COL14A1: variants seen among roughly 807,000 people sequenced by gnomAD.
The protein encoded by COL14A1 is collagen alpha-1(XIV) chain.
COL14A1 carries 136 observed loss-of-function variants against 230.3 expected under a neutral mutation model. The ratio of observed to expected loss-of-function variants is 0.59; its 90% confidence interval spans 0.51 to 0.68. The LOEUF (loss-of-function observed/expected upper bound fraction) is 0.68. Ranked by LOEUF, COL14A1 falls within the 30% of genes least tolerant of loss-of-function variation. The probability of loss-of-function intolerance (pLI) is 0.00; values close to 1 mark genes in which losing one functional copy is unlikely to be tolerated. For synonymous variants in COL14A1, 792 were observed against 784.1 expected, an observed-to-expected ratio of 1.01 and a Z score of -0.17; for missense variants, 1,976 against 2,215.8, an observed-to-expected ratio of 0.89 and a Z score of 2.17.
intron 2 of COL14A1, among the ~76,000 whole-genome samples, chr8:120,152,397 G>A (rs1815316658): frequency 6.7e-6 from 1 of 148,728 alleles, no homozygotes; most frequent in Non-Finnish European, 1.5e-5. Flanking sequence ...GTGAACCTGG[G>A]AGGCGGAGCT....
chr8:120,196,044 T>G (rs1586756591), intron 5 of COL14A1, among the ~76,000 whole-genome samples: 1 of 152,298 alleles, frequency 6.6e-6, no homozygotes, highest in Admixed American at 6.5e-5. Flanking sequence ...TTGCTGTGAG[T>G]GGGGCCTTCT....
chr8:120,156,486 A>G (rs1815485270), intron 2 of COL14A1, among the ~76,000 whole-genome samples: 1 of 152,110 alleles, frequency 6.6e-6, no homozygotes, highest in South Asian at 2.1e-4. Context: ...ACTTCTTAAT[A>G]TGAATCATCT....
chr8:120,255,528 T>C (rs549357620), intron 23 of COL14A1, among the ~76,000 whole-genome samples, 172 bp downstream of exon 23: 1 of 152,184 alleles, frequency 6.6e-6, no homozygotes, highest in Non-Finnish European at 1.5e-5. Flanking sequence ...GTAAGTGAAT[T>C]ACTAACCCTC....
chr8:120,169,170 T>A (rs1816020611), intron 5 of COL14A1, among the ~76,000 whole-genome samples: 1 of 152,192 alleles, frequency 6.6e-6, no homozygotes, highest in African/African-American at 2.4e-5. Context: ...ATTCCCCTTT[T>A]GATGGGCATT....
chr8:120,283,738 A>T lies in COL14A1; in HGVS notation c.3927A>T (p.Leu1309Phe). 6.2e-7 allele frequency: 1 copy of T among 1,612,862 alleles called. No homozygotes were observed. The highest frequency in any genetic ancestry group is 8.5e-7 in the Non-Finnish European group (1 of 1,179,690). The change falls in exon 32 of 48, where the codon TTA becomes TTT. Residue 1309 changes from leucine (L) to phenylalanine (F), a missense_variant. By Grantham distance (22) the Leu-to-Phe change is conservative. Around this residue, in one of 3 missense-constraint regions of COL14A1, gnomAD observed 1,791 missense variants for 2,019.5 expected, o/e 0.89. Coordinates refer to ENST00000297848, the MANE Select transcript of COL14A1 (RefSeq NM_021110.4). ...AGCCATTTGCTCTTTGGGAGATTTT[A>T]AATAAAAATTCTGACCCATTGGTTG... is the stretch of plus-strand genomic sequence containing the variant. ...PQEPFALWEI[L>F]NKNSDPLVGV...
chr8:120,160,484 C>T (rs1246758069), intron 3 of COL14A1, among the ~76,000 whole-genome samples: 1 of 152,150 alleles, frequency 6.6e-6, no homozygotes, highest in African/African-American at 2.4e-5. Flanking sequence ...CATCTGAATG[C>T]TTCAATCCTC....
chr8:120,146,623 AAT>A (rs1586715221), intron 1 of COL14A1, among the ~76,000 whole-genome samples: 2 of 152,272 alleles, frequency 1.3e-5, no homozygotes, highest in East Asian at 3.9e-4. Context: ...TTTTTTTAAA[AAT>A]AGTGTTTTTC....
intron 5 of COL14A1, among the ~76,000 whole-genome samples, chr8:120,174,540 G>A (rs1026455511): frequency 2.0e-5 from 3 of 152,190 alleles, no homozygotes; most frequent in African/African-American, 4.8e-5. Context: ...TTTGGAGAAG[G>A]AAGATTCATA....
chr8:120,338,426 T>C (rs919603428), intron 42 of COL14A1, among the ~76,000 whole-genome samples: 25 of 152,196 alleles, frequency 1.6e-4, no homozygotes, highest in Admixed American at 1.4e-3. Context: ...TCCCTGGTTT[T>C]TTCACTTCCT....
chr8:120,227,627 G>C (rs368620049), intron 17 of COL14A1, among the ~76,000 whole-genome samples: 17 of 152,270 alleles, frequency 1.1e-4, no homozygotes, highest in African/African-American at 3.9e-4. Flanking sequence ...CATGTTAACT[G>C]TAGAGTAAAC....
chr8:120,368,874 C>G (rs918867824), intron 46 of COL14A1, among the ~76,000 whole-genome samples: 1 of 152,052 alleles, frequency 6.6e-6, no homozygotes, highest in Non-Finnish European at 1.5e-5. Context: ...CTTTAATTAT[C>G]TGGGGCCATA....
chr8:120,249,479 T>C (rs940078508), intron 21 of COL14A1, among the ~76,000 whole-genome samples: 1 of 152,228 alleles, frequency 6.6e-6, no homozygotes, highest in African/African-American at 2.4e-5. Flanking sequence ...GCCGGAAGCA[T>C]GCGTTAATTT....
In COL14A1 at chr8:120,247,658, A is replaced by G; in HGVS notation, c.2525A>G (p.Tyr842Cys). Residue 842 changes from tyrosine (Y) to cysteine (C), a missense_variant, in exon 21 of 48, where the codon TAT (tyrosine) becomes TGT (cysteine). Around this residue, in one of 3 missense-constraint regions of COL14A1, gnomAD observed 1,791 missense variants for 2,019.5 expected, o/e 0.89. Transcript: ENST00000297848. ...AACTTGCGGGTGTCCGAGGAATGGT[A>G]TAACCGGTTGCGCATTACGTGGGAC... ...PQNLRVSEEW[Y>C]NRLRITWDPP... The G allele has an allele frequency of 6.2e-7, 1 of 1,610,006 alleles. No homozygotes were observed. The highest frequency in any genetic ancestry group is 8.5e-7 in the Non-Finnish European group (1 of 1,176,504).
Position 120,237,440 on chromosome 8 carries a change from G to A in COL14A1, c.2349+5822G>A, listed in dbSNP as rs150463188. Among the ~76,000 whole-genome samples, 420 of 152,098 alleles carry A rather than the reference G, an allele frequency of 2.8e-3. 4 individuals are homozygous for A. Among genetic ancestry groups the A allele is most frequent in the African/African-American group, 9.3e-3 (386 of 41,490 alleles). ...TGTGTATGCTTCACAAAGTTCTTAC[G>A]CTGTGTTTTTCAGCTCCATCAGGTC... On this transcript the variant is annotated intron_variant, in intron 19 of 47. Coordinates refer to ENST00000297848, the MANE Select transcript of COL14A1 (RefSeq NM_021110.4).
chr8:120,275,223 T>C (rs1819800642), intron 26 of COL14A1, among the ~76,000 whole-genome samples: 1 of 151,458 alleles, frequency 6.6e-6, no homozygotes, highest in Non-Finnish European at 1.5e-5. Context: ...GGACAAAACA[T>C]TCAAAAACAT....
chr8:120,192,698 T>G (rs1211146237), intron 5 of COL14A1, among the ~76,000 whole-genome samples: 1 of 152,088 alleles, frequency 6.6e-6, no homozygotes, highest in Non-Finnish European at 1.5e-5. Context: ...AGACATAGAT[T>G]TGGTCTTTTC....
intron 3 of COL14A1, among the ~76,000 whole-genome samples, chr8:120,159,088 C>G (rs1218747216): frequency 6.6e-6 from 1 of 152,020 alleles, no homozygotes; most frequent in East Asian, 1.9e-4. Flanking sequence ...ATATTTGTAC[C>G]CACCCCATGG....
chr8:120,143,712 G>C (rs762529111), intron 1 of COL14A1, among the ~76,000 whole-genome samples: 10 of 152,088 alleles, frequency 6.6e-5, no homozygotes, highest in Non-Finnish European at 1.2e-4. Flanking sequence ...AAGGGGGTCA[G>C]AGTCTCCAAG....
At chr8:120,349,227 C>A (rs971358151) in intron 45 of COL14A1, among the ~76,000 whole-genome samples, 3 of 151,068 alleles carry the variant, frequency 2.0e-5, no homozygotes, top group Non-Finnish European at 4.4e-5. Flanking sequence ...ACACCAAAAA[C>A]CCATCTGTAC....
Sources: gnomAD v4.1 joint callset for allele counts (sites outside exome capture counted in the v4.1 genomes callset) on GRCh38, gnomAD v4.1.1 for gene constraint, gnomAD v4.1.1 regional missense constraint, MANE v1.5 for transcripts, NCBI Gene and HGNC (gene_info 2026-07-23, HGNC 2026-07-21) for gene names.